Variants in RBFOX1 observed in about 807,000 individuals in gnomAD.
The protein encoded by RBFOX1 is RNA binding fox-1 homolog 1, also known as RNA binding protein fox-1 homolog 1.
In RBFOX1, 8 loss-of-function variants were observed where a neutral mutation model predicts 57.7. The observed-to-expected ratio is 0.14, with a 90% confidence interval of 0.08 to 0.25. The LOEUF (loss-of-function observed/expected upper bound fraction) is 0.25, where lower values mean the gene tolerates loss of function less well. Among genes scored for constraint, RBFOX1 ranks in the 10% least tolerant of loss-of-function variants. RBFOX1 has a pLI of 1.00. For missense variants in RBFOX1, 611 were observed against 548.5 expected (o/e 1.11, Z -1.14); for synonymous variants, 326 against 222.4 (o/e 1.47, Z -4.15).
At chr16:6,616,622 C>G (rs977802053) in intron 2 of RBFOX1, among the ~76,000 whole-genome samples, 1 of 152,200 alleles carries the variant, frequency 6.6e-6, no homozygotes, top group African/African-American at 2.4e-5. Flanking sequence ...TTGCAGTGAG[C>G]CGAGATCGTG....
At chr16:6,782,649 A>G (rs1435813155) in intron 3 of RBFOX1, among the ~76,000 whole-genome samples, 2 of 152,180 alleles carry the variant, frequency 1.3e-5, no homozygotes, top group Non-Finnish European at 2.9e-5. Context: ...GGCCTAACAT[A>G]TGGTCTACCC....
chr16:7,709,705 G>C (rs1047145073), intron 15 of RBFOX1: 5 of 1,105,040 alleles, frequency 4.5e-6, no homozygotes, highest in Non-Finnish European at 5.6e-6. Flanking sequence ...GCTGGGTTTG[G>C]GGGTTGCCTT....
intron 3 of RBFOX1, among the ~76,000 whole-genome samples, chr16:6,958,448 C>G (rs546269155): frequency 6.6e-6 from 1 of 152,154 alleles, no homozygotes; most frequent in Non-Finnish European, 1.5e-5. Context: ...CAAGGACCTT[C>G]TCGCAATTCC....
intron 1 of RBFOX1, among the ~76,000 whole-genome samples, chr16:6,284,576 T>C (rs2076711044): frequency 6.6e-6 from 1 of 152,190 alleles, no homozygotes; most frequent in Non-Finnish European, 1.5e-5. Flanking sequence ...AGCAACAATA[T>C]TTTATAGCTT....
chr16:7,313,970 T>G (rs1424119419), intron 4 of RBFOX1, among the ~76,000 whole-genome samples: 1 of 152,194 alleles, frequency 6.6e-6, no homozygotes, highest in Non-Finnish European at 1.5e-5. Flanking sequence ...CCTCTTTTCC[T>G]TTAAAGGCAG....
intron 14 of RBFOX1, 26 bp from the exon 15 acceptor site, chr16:7,709,030 A>C: frequency 6.3e-7 from 1 of 1,587,278 alleles, no homozygotes; most frequent in Non-Finnish European, 8.7e-7. Flanking sequence ...ACTGTGGATC[A>C]ATCTTCACCT....
At chr16:5,666,487 T>A (rs2049848432) in intron 3 of RBFOX1, among the ~76,000 whole-genome samples, 1 of 152,108 alleles carries the variant, frequency 6.6e-6, no homozygotes, top group Non-Finnish European at 1.5e-5. Context: ...ATCCCAGAAA[T>A]AGAGCGATGG....
chr16:5,530,447 G>T (rs1271560831), intron 2 of RBFOX1, among the ~76,000 whole-genome samples: 1 of 152,132 alleles, frequency 6.6e-6, no homozygotes, highest in East Asian at 1.9e-4. Context: ...TGTCAACCCA[G>T]ACCACTCGAC....
intron 3 of RBFOX1, among the ~76,000 whole-genome samples, chr16:6,748,057 C>A (rs1196695192): frequency 6.6e-6 from 1 of 152,140 alleles, no homozygotes; most frequent in African/African-American, 2.4e-5. Context: ...TTTATTGAAC[C>A]ATTTTCCTGA....
At chr16:6,762,464 A>G (rs889809677) in intron 3 of RBFOX1, among the ~76,000 whole-genome samples, 1 of 152,180 alleles carries the variant, frequency 6.6e-6, no homozygotes, top group Non-Finnish European at 1.5e-5. Context: ...TGTAAGAACA[A>G]AAGAAAAGGT....
intron 4 of RBFOX1, among the ~76,000 whole-genome samples, chr16:5,960,036 A>G (rs534619732): frequency 4.6e-5 from 7 of 152,232 alleles, no homozygotes; most frequent in African/African-American, 1.4e-4. Context: ...CCCCGTCTCT[A>G]CTATAAATAA....
At chr16:6,681,643 G>GC (rs546613036) in intron 3 of RBFOX1, among the ~76,000 whole-genome samples, 4 of 143,970 alleles carry the variant, frequency 2.8e-5, no homozygotes, top group African/African-American at 1.0e-4. Flanking sequence ...AATCACAATT[G>GC]CCCCCCTCCA....
At chr16:6,235,688 T>C (rs1567740402) in intron 1 of RBFOX1, among the ~76,000 whole-genome samples, 1 of 151,852 alleles carries the variant, frequency 6.6e-6, no homozygotes. Flanking sequence ...TAAAAAGGAA[T>C]GAATTAATGG....
At chr16:5,385,835 C>G (rs114718877) in intron 1 of RBFOX1, among the ~76,000 whole-genome samples, 1,639 of 152,266 alleles carry the variant, frequency 0.011, 39 homozygotes, top group African/African-American at 0.038. Flanking sequence ...TTGAAATTGA[C>G]AAGAGGTGAA....
At chr16:7,004,166 C>A (rs1008037255) in intron 3 of RBFOX1, 1 of 151,822 alleles carries the variant, frequency 6.6e-6, no homozygotes, top group African/African-American at 2.4e-5. Context: ...ATCTTATGCA[C>A]AGAAGAATGA....
At chr16:5,501,337 A>AG (rs2043190044) in intron 2 of RBFOX1, among the ~76,000 whole-genome samples, 2 of 151,012 alleles carry the variant, frequency 1.3e-5, no homozygotes, top group African/African-American at 4.9e-5. Context: ...AAAAAAAAAA[A>AG]AAAAGAAAAA....
At chr16:6,455,554 G>A (rs918738192) in intron 2 of RBFOX1, among the ~76,000 whole-genome samples, 2 of 152,152 alleles carry the variant, frequency 1.3e-5, no homozygotes, top group South Asian at 4.1e-4. Context: ...TGATGAAAAC[G>A]ATCACCATAA....
chr16:7,411,834 C>A (rs1373140082), intron 4 of RBFOX1, among the ~76,000 whole-genome samples: 1 of 144,706 alleles, frequency 6.9e-6, no homozygotes, highest in African/African-American at 2.6e-5. Context: ...ACCCAGGAAG[C>A]AGTGGTTGTG....
intron 3 of RBFOX1, among the ~76,000 whole-genome samples, chr16:6,740,103 C>T (rs1355288489): frequency 3.3e-5 from 5 of 152,280 alleles, no homozygotes; most frequent in East Asian, 1.9e-4. Flanking sequence ...TAATACAATA[C>T]TAATTCAGTA....
Sources: allele counts gnomAD v4.1 joint callset (sites outside exome capture counted in the v4.1 genomes callset), GRCh38; gene constraint gnomAD v4.1.1; transcripts MANE v1.5; gene names NCBI Gene and HGNC (gene_info 2026-07-23, HGNC 2026-07-21).